Variants in DDX20 observed in about 807,000 individuals in gnomAD.
DDX20 encodes DEAD-box helicase 20, also known as probable ATP-dependent RNA helicase DDX20.
Under a neutral mutation model 76.4 loss-of-function variants are expected in DDX20, and 61 were observed. That is an observed-to-expected ratio of 0.80 (90% CI 0.65 to 0.99). DDX20 has a LOEUF of 0.99. Among genes scored for constraint, DDX20 ranks in the 50% least tolerant of loss-of-function variants. The probability of loss-of-function intolerance (pLI) is 0.00; values close to 1 mark genes in which losing one functional copy is unlikely to be tolerated. For synonymous variants in DDX20, 357 were observed against 357.4 expected, an observed-to-expected ratio of 1.00 and a Z score of 0.01; for missense variants, 976 against 996.8, an observed-to-expected ratio of 0.98 and a Z score of 0.28.
rs35001448 is a variant in DDX20, at chr1:111,762,851, T to TTG, written c.1211-54_1211-53dup. The stretch of plus-strand genomic sequence containing the variant: ...GGATCTATAATGTGACAGGTGGGCT[T>TTG]TGAATATTATTTTTGTGAAAATGAT... On this transcript the variant is annotated intron_variant, in intron 9 of 10. Coordinates refer to ENST00000369702, the MANE Select transcript of DDX20 (RefSeq NM_007204.5). 1.1e-3 allele frequency: 1,696 copies of TTG among 1,592,206 alleles called. 3 individuals carry two copies. Among genetic ancestry groups the TTG allele is most frequent in the South Asian group, 1.5e-3 (133 of 90,572 alleles).
intron 9 of DDX20, 42 bp downstream of exon 9, chr1:111,762,824 AGGGATCTATAATGTGACAGGT>A (rs1215895645): frequency 1.4e-5 from 21 of 1,555,422 alleles, no homozygotes; most frequent in Non-Finnish European, 1.8e-5. Flanking sequence ...CTTTAAGGGG[AGGGATCTATAATGTGACAGGT>A]GGGCTTTGAA....
intron 2 of DDX20, among the ~76,000 whole-genome samples, chr1:111,757,065 T>G (rs1557920458): frequency 6.6e-6 from 1 of 152,070 alleles, no homozygotes; most frequent in Non-Finnish European, 1.5e-5. Flanking sequence ...GAGTTTGTTT[T>G]TTTTTTTTGA....
rs1188695813 is a variant in DDX20 at position 111,766,250 on chromosome 1, C to T, written c.1826C>T (p.Pro609Leu). Residue 609 changes from proline to leucine, a missense_variant, in exon 11 of 11, where the codon CCT (proline) becomes CTT (leucine). Coordinates refer to ENST00000369702, the MANE Select transcript of DDX20 (RefSeq NM_007204.5). ...TATATTAAAGAGGGGTTAGAGAAAC[C>T]TGTGGAAATCATCAGGCACTACACA... ...EHYIKEGLEK[P>L]VEIIRHYTGP... is the part of the protein sequence containing the mutation. 2 of 1,614,012 alleles carry T rather than the reference C, an allele frequency of 1.2e-6. No individual in the cohort carries two copies. The highest frequency in any genetic ancestry group is 4.5e-5 in the East Asian group (2 of 44,892).
intron 3 of DDX20, 178 bp from the exon 4 acceptor site, chr1:111,760,292 AGTTT>A (rs763609877): frequency 1.2e-5 from 6 of 482,672 alleles, no homozygotes; most frequent in Non-Finnish European, 2.2e-5. Flanking sequence ...GAAAACAATG[AGTTT>A]AGTCAAGATC....
intron 8 of DDX20, 22 bp downstream of exon 8, chr1:111,762,359 G>A (rs902840478): frequency 3.2e-6 from 5 of 1,574,792 alleles, no homozygotes; most frequent in Non-Finnish European, 3.5e-6. Flanking sequence ...ATTCAGTTTG[G>A]GTGACTAATC....
intron 10 of DDX20, among the ~76,000 whole-genome samples, chr1:111,765,128 T>C (rs1309385604): frequency 2.6e-5 from 4 of 152,226 alleles, no homozygotes; most frequent in African/African-American, 4.8e-5. Flanking sequence ...CTGGATGGAA[T>C]AGAAAATTTA....
In DDX20 at chr1:111,766,150, C is replaced by T. The variant is rs1327031522; in HGVS notation, c.1726C>T (p.Pro576Ser). The T allele has an allele frequency of 6.2e-7, 1 of 1,614,200 alleles. No individual in the cohort carries two copies. Among genetic ancestry groups the T allele is most frequent in the East Asian group, 2.2e-5 (1 of 44,888 alleles). ...EALPVSLPQI[P>S]CLSSFKIHQP... The stretch of plus-strand genomic sequence containing the variant: ...TTTACCTGTGTCACTCCCCCAGATT[C>T]CTTGTCTGTCTTCCTTTAAAATCCA... The change falls in exon 11 of 11, where the codon CCT becomes TCT. Residue 576 changes from proline to serine, a missense_variant. This residue lies in a region of DDX20 where 630 missense variants were observed against 693.7 expected (regional missense o/e 0.91). Transcript: ENST00000369702.
chr1:111,767,032 T>TCAAA lies in DDX20; in HGVS notation c.*133_*134insCAAA. 1 of 609,702 alleles carries TCAAA rather than the reference T, an allele frequency of 1.6e-6. No homozygotes were observed. 37.8% of individuals were successfully genotyped at this position (609,702 alleles called of 1,614,324 possible). ...CTTGAAAAGACTTGAGTCTTTCCAC[T>TCAAA]GGGACACATCCATTTTTCAGATTGT... On this transcript the variant is annotated 3_prime_UTR_variant, in exon 11 of 11. Coordinates refer to ENST00000369702, the MANE Select transcript of DDX20 (RefSeq NM_007204.5).
intron 10 of DDX20, among the ~76,000 whole-genome samples, chr1:111,763,668 G>A (rs528855631): frequency 4.5e-4 from 68 of 152,170 alleles, no homozygotes; most frequent in Non-Finnish European, 6.9e-4. Context: ...ATACAAGGGG[G>A]GATATTTTAC....
intron 8 of DDX20, 79 bp downstream of exon 8, chr1:111,762,416 A>C (rs1030988393): frequency 8.4e-7 from 1 of 1,191,940 alleles, no homozygotes; most frequent in Non-Finnish European, 1.2e-6. Context: ...TTCATATATT[A>C]TTTTATGTAG....
chr1:111,764,828 G>T (rs993915700), intron 10 of DDX20, among the ~76,000 whole-genome samples: 3 of 152,188 alleles, frequency 2.0e-5, no homozygotes, highest in African/African-American at 7.2e-5. Context: ...ATGTTCAGAT[G>T]AGTTTCCTGG....
At chr1:111,761,582 G>A in intron 7 of DDX20, 1 of 221,490 alleles carries the variant, frequency 4.5e-6, no homozygotes, top group Non-Finnish European at 8.7e-6. Context: ...AAGTTTGTCT[G>A]TATTGTGTTA....
chr1:111,762,573 G>C, intron 8 of DDX20, 104 bp from the exon 9 acceptor site: 1 of 1,058,482 alleles, frequency 9.4e-7, no homozygotes, highest in Non-Finnish European at 1.4e-6. Context: ...TCAGTATTCA[G>C]TTCTTAATTT....
Position 111,760,829 on chromosome 1 carries a change from CA to C in DDX20, c.805del (p.Ser269ValfsTer6). The C allele has an allele frequency of 1.2e-6, 2 of 1,612,736 alleles. No homozygotes were observed. The highest frequency in any genetic ancestry group is 1.7e-6 in the Non-Finnish European group (2 of 1,179,634). ...RDPTFVRLNS[S>X]DPSLIGLKQY... ...ATCCCACTTTTGTAAGACTGAATTC[CA>C]GTGATCCAAGTCTCATAGGTGTGTA... On this transcript the variant is annotated frameshift_variant, in exon 5 of 11. Coordinates refer to ENST00000369702, the MANE Select transcript of DDX20 (RefSeq NM_007204.5). LOFTEE classifies it high-confidence loss of function.
At chr1:111,761,532 ATCTC>A (rs1663675826) in intron 7 of DDX20, 1 of 360,292 alleles carries the variant, frequency 2.8e-6, no homozygotes, top group Non-Finnish European at 5.0e-6. Flanking sequence ...TTTTATTAGA[ATCTC>A]TCTTATAGCC....
intron 7 of DDX20, chr1:111,761,590 TTAAGA>T (rs1316563394): frequency 9.8e-6 from 2 of 203,992 alleles, no homozygotes; most frequent in Admixed American, 1.2e-4. Flanking sequence ...CTGTATTGTG[TTAAGA>T]TAAAAATATT....
chr1:111,765,541 C>G (rs1663761287), intron 10 of DDX20, among the ~76,000 whole-genome samples, 196 bp from the exon 11 acceptor site: 1 of 152,102 alleles, frequency 6.6e-6, no homozygotes, highest in Non-Finnish European at 1.5e-5. Context: ...ATGGGTCTTA[C>G]ATATTTCTTA....
chr1:111,760,658 GTGATTATT>G (rs758218662), intron 4 of DDX20, 40 bp from the exon 5 acceptor site: 1 of 1,600,770 alleles, frequency 6.2e-7, no homozygotes, highest in Admixed American at 1.7e-5. Flanking sequence ...TTTCCAAGTG[GTGATTATT>G]GTTTGAATAA....
At chr1:111,761,196 AT>A in intron 6 of DDX20, 29 bp from the exon 7 acceptor site, 1 of 1,611,848 alleles carries the variant, frequency 6.2e-7, no homozygotes, top group Non-Finnish European at 8.5e-7. Context: ...ATATTTGTAA[AT>A]TTGTAACCAT....
Sources: allele counts gnomAD v4.1 joint callset (sites outside exome capture counted in the v4.1 genomes callset), GRCh38; gene constraint gnomAD v4.1.1; regional missense constraint gnomAD v4.1.1; transcripts MANE v1.5; gene names NCBI Gene and HGNC (gene_info 2026-07-23, HGNC 2026-07-21).